Variants in DCDC1 observed in about 807,000 individuals in gnomAD.
DCDC1 encodes doublecortin domain-containing protein 1.
Under a neutral mutation model 178.3 loss-of-function variants are expected in DCDC1, and 200 were observed. The ratio of observed to expected loss-of-function variants is 1.12; its 90% CI spans 1.00 to 1.26. The LOEUF (loss-of-function observed/expected upper bound fraction) is 1.26. Among genes scored for constraint, DCDC1 ranks in the 50% most tolerant of loss-of-function variants. The probability of loss-of-function intolerance (pLI) is 0.00; values close to 1 mark genes in which losing one functional copy is unlikely to be tolerated. For missense variants in DCDC1, 1,983 were observed against 1,749.2 expected (o/e 1.13, Z -2.38); for synonymous variants, 690 against 604.8 (o/e 1.14, Z -2.07).
At chr11:31,164,126 T>G (rs1225745429) in intron 9 of DCDC1, among the ~76,000 whole-genome samples, 1 of 151,984 alleles carries the variant, frequency 6.6e-6, no homozygotes, top group East Asian at 1.9e-4. Context: ...AAAGGACAAA[T>G]CATCAAATCC....
chr11:31,156,498 G>T (rs1259758176), intron 9 of DCDC1, among the ~76,000 whole-genome samples: 1 of 151,812 alleles, frequency 6.6e-6, no homozygotes, highest in Admixed American at 6.6e-5. Flanking sequence ...GCAGTAAAAA[G>T]AAACAGGTAA....
At chr11:30,947,017 G>T (rs917477497) in intron 21 of DCDC1, among the ~76,000 whole-genome samples, 1 of 152,164 alleles carries the variant, frequency 6.6e-6, no homozygotes, top group Non-Finnish European at 1.5e-5. Context: ...TTTCCAGGAT[G>T]TTACAAGTAA....
intron 20 of DCDC1, among the ~76,000 whole-genome samples, chr11:31,037,067 A>G (rs1460573145): frequency 6.6e-6 from 1 of 152,202 alleles, no homozygotes; most frequent in Non-Finnish European, 1.5e-5. Flanking sequence ...ATGTTTAACC[A>G]TTCTACCACA....
At chr11:31,311,556 A>G (rs942106319) in intron 3 of DCDC1, among the ~76,000 whole-genome samples, 1 of 152,204 alleles carries the variant, frequency 6.6e-6, no homozygotes, top group African/African-American at 2.4e-5. Flanking sequence ...TTCACTTCTA[A>G]TCACAGAGGA....
At chr11:31,063,627 C>T (rs1023976745) in intron 20 of DCDC1, among the ~76,000 whole-genome samples, 1 of 151,886 alleles carries the variant, frequency 6.6e-6, no homozygotes, top group Non-Finnish European at 1.5e-5. Flanking sequence ...GCTGATAATC[C>T]CATCACTTTG....
intron 9 of DCDC1, among the ~76,000 whole-genome samples, chr11:31,161,765 C>T (rs79296498): frequency 7.2e-5 from 11 of 152,222 alleles, no homozygotes; most frequent in African/African-American, 2.4e-4. Context: ...AGGACTTTGC[C>T]CTAATGCACT....
At chr11:31,201,029 A>G (rs894697813) in intron 9 of DCDC1, among the ~76,000 whole-genome samples, 16 of 151,760 alleles carry the variant, frequency 1.1e-4, no homozygotes, top group Admixed American at 6.6e-5. Context: ...AGCACTTTCC[A>G]CACTTCACAG....
At position 31,331,763 on chromosome 11, in the gene DCDC1, T is replaced by C. The variant is rs113057133; in HGVS notation, c.-6-3477A>G. On this transcript the variant is annotated intron_variant, in intron 2 of 38. Coordinates refer to ENST00000684477, the MANE Select transcript of DCDC1 (RefSeq NM_001387274.1). The stretch of plus-strand genomic sequence containing the variant: ...GTGGTGGATAAGCTTTTTGATGTGC[T>C]GCTGGATTCGGTTTGCCAGTATTTT... Among the ~76,000 whole-genome samples the C allele has an allele frequency of 8.1e-3, 1,228 of 152,298 alleles. 22 individuals are homozygous for C. Among genetic ancestry groups the C allele is most frequent in the African/African-American group, 0.028 (1,175 of 41,554 alleles).
chr11:31,258,819 C>T (rs1274638323), intron 8 of DCDC1, among the ~76,000 whole-genome samples: 2 of 152,144 alleles, frequency 1.3e-5, no homozygotes, highest in Admixed American at 1.3e-4. Flanking sequence ...GAAGCTGTTA[C>T]AGCAACCACT....
At chr11:30,886,770 T>C (rs1241689985) in intron 36 of DCDC1, among the ~76,000 whole-genome samples, 2 of 151,850 alleles carry the variant, frequency 1.3e-5, no homozygotes, top group Admixed American at 1.3e-4. Context: ...TTTTTTCTAC[T>C]CCAAGGAAAC....
At chr11:30,945,387 G>C (rs1217029335) in intron 21 of DCDC1, among the ~76,000 whole-genome samples, 1 of 151,498 alleles carries the variant, frequency 6.6e-6, no homozygotes, top group Non-Finnish European at 1.5e-5. Flanking sequence ...TTTATGCCAA[G>C]TTATATATAT....
chr11:31,287,344 T>C (rs1946909082), intron 7 of DCDC1, among the ~76,000 whole-genome samples: 2 of 151,830 alleles, frequency 1.3e-5, no homozygotes, highest in African/African-American at 2.4e-5. Context: ...ATAAGAAAAT[T>C]AGAAGTTCAG....
intron 7 of DCDC1, among the ~76,000 whole-genome samples, chr11:31,273,663 T>A (rs1013874805): frequency 3.9e-5 from 6 of 152,196 alleles, no homozygotes; most frequent in Admixed American, 3.9e-4. Flanking sequence ...TAACTGTTAC[T>A]CAGTTCGAAA....
chr11:30,921,176 C>T (rs567053302), intron 24 of DCDC1, among the ~76,000 whole-genome samples: 203 of 152,136 alleles, frequency 1.3e-3, no homozygotes, highest in Non-Finnish European at 2.5e-3. Context: ...TATCATATAT[C>T]GTAATTATTC....
rs189725432 is a variant in DCDC1 at position 31,146,745 on chromosome 11, G to A, written c.1222-8961C>T. On this transcript the variant is annotated intron_variant, in intron 9 of 38. Transcript: ENST00000684477. The stretch of plus-strand genomic sequence containing the variant: ...TTATTAGAAACTCCTTCTAACGTCC[G>A]GCTGAAACACCCACTTGACCTTGGC... Among the ~76,000 whole-genome samples, 135 of 152,180 alleles carry A rather than the reference G, an allele frequency of 8.9e-4. 1 individual carries two copies. Among genetic ancestry groups the A allele is most frequent in the East Asian group, 4.1e-3 (21 of 5,178 alleles).
At chr11:31,254,335 C>T (rs1311639025) in intron 8 of DCDC1, among the ~76,000 whole-genome samples, 1 of 152,048 alleles carries the variant, frequency 6.6e-6, no homozygotes, top group Non-Finnish European at 1.5e-5. Context: ...GATGACTGAG[C>T]AAGATCACAT....
intron 17 of DCDC1, among the ~76,000 whole-genome samples, chr11:31,087,943 G>A (rs1251505636): frequency 6.6e-6 from 1 of 151,966 alleles, no homozygotes; most frequent in Non-Finnish European, 1.5e-5. Context: ...AGTTTTAGAT[G>A]TTTCTCTTTT....
rs146140219 is a variant in DCDC1, at chr11:31,054,932, G to C, written c.2591+9537C>G. 9.2e-3 allele frequency among the ~76,000 whole-genome samples: 1,399 copies of C among 152,200 alleles called. 17 individuals are homozygous for C. The highest frequency in any genetic ancestry group is 0.019 in the South Asian group (91 of 4,822). ...CCCTCTAGACATTGGCTTAGGTAAG[G>C]ATTTCATGATGAAGAACCTAAAAGC... is the stretch of plus-strand genomic sequence containing the variant. On this transcript the variant is annotated intron_variant, in intron 20 of 38. Coordinates refer to ENST00000684477, the MANE Select transcript of DCDC1 (RefSeq NM_001387274.1).
chr11:30,869,538 G>T lies in DCDC1; in HGVS notation c.*41-4206C>A, dbSNP rs193248073. ...ATTCTGAACACCCTACTTTCATGGA[G>T]TTTGCAGACCAGTGAGAGAAAGGGC... On this transcript the variant is annotated intron_variant, in intron 38 of 38. Transcript: ENST00000684477. Among the ~76,000 whole-genome samples the T allele has an allele frequency of 4.6e-3, 702 of 152,324 alleles. 3 individuals carry two copies. The highest frequency in any genetic ancestry group is 6.8e-3 in the Middle Eastern group (2 of 294).
Sources: gnomAD v4.1 joint callset for allele counts (sites outside exome capture counted in the v4.1 genomes callset) on GRCh38, gnomAD v4.1.1 for gene constraint, MANE v1.5 for transcripts, NCBI Gene and HGNC (gene_info 2026-07-23, HGNC 2026-07-21) for gene names.